The following IKZF5 variants were observed in gnomAD, a reference collection of about 807,000 sequenced individuals.
IKZF5 encodes the protein IKAROS family zinc finger 5.
Under a neutral mutation model 30.7 loss-of-function variants are expected in IKZF5, and 4 were observed. The ratio of observed to expected loss-of-function variants is 0.13; its 90% CI spans 0.06 to 0.30. IKZF5 has a LOEUF of 0.30. Ranked by LOEUF, IKZF5 falls within the 10% of genes least tolerant of loss-of-function variation. The pLI is 1.00. For missense variants in IKZF5, 348 were observed against 525.5 expected, an observed-to-expected ratio of 0.66 and a Z score of 3.30; for synonymous variants, 148 against 179.6, an observed-to-expected ratio of 0.82 and a Z score of 1.41.
chr10:122,996,467 A>G (rs1849375944), intron 3 of IKZF5, among the ~76,000 whole-genome samples: 2 of 151,546 alleles, frequency 1.3e-5, no homozygotes, highest in African/African-American at 4.9e-5. Context: ...AGGTGGGGGG[A>G]TAGCTTGAGG....
intron 3 of IKZF5, 48 bp from the exon 4 acceptor site, chr10:122,996,224 C>T (rs1166003171): frequency 2.7e-6 from 4 of 1,504,856 alleles, no homozygotes; most frequent in Non-Finnish European, 3.7e-6. Flanking sequence ...AGAATCAACT[C>T]AATTTAGCAT....
Position 122,993,701 on chromosome 10 carries a change from T to C in IKZF5, c.*79A>G, listed in dbSNP as rs1257991787. On this transcript the variant is annotated 3_prime_UTR_variant, in exon 5 of 5. Transcript: ENST00000368886. ...AAGCCTTGAATTAGCAGACACTTTATTAGGGATGACCAAAACAAAAAACAA... is the reference window on the plus strand; with the variant it reads ...AAGCCTTGAATTAGCAGACACTTTACTAGGGATGACCAAAACAAAAAACAA... 3.5e-6 allele frequency: 3 copies of C among 865,080 alleles called. No individual in the cohort carries two copies. The highest frequency in any genetic ancestry group is 1.7e-5 in the South Asian group (1 of 58,660). The allele number at this position is 865,080 out of a possible 1,614,324, so 53.6% of individuals were successfully genotyped here.
At position 122,990,908 on chromosome 10, in the gene IKZF5, A is replaced by G. The variant is rs780427121; in HGVS notation, c.*2872T>C. ...TTTCTGCATTAAACTGCTTTCCGGA[A>G]TCCCTAAACAATATAGTGTATTGTA... On this transcript the variant is annotated 3_prime_UTR_variant, in exon 5 of 5. Transcript: ENST00000368886. 6.6e-6 allele frequency: 1 copy of G among 150,462 alleles called. No homozygotes were observed. The highest frequency in any genetic ancestry group is 2.5e-5 in the African/African-American group (1 of 40,756). The allele number at this position is 150,462 out of a possible 1,614,324, so 9.3% of individuals were successfully genotyped here.
chr10:122,994,346 T>G lies in IKZF5; in HGVS notation c.694A>C (p.Lys232Gln), dbSNP rs1849282692. Residue 232 changes from lysine to glutamine, a missense_variant, in exon 5 of 5, where the codon AAA becomes CAA. By Grantham distance (53) the Lys-to-Gln change is moderately conservative (BLOSUM62 1). Coordinates refer to ENST00000368886, the MANE Select transcript of IKZF5 (RefSeq NM_001372123.1). This position sits in a 1 kb window ranked among gnomAD's most constrained non-coding sequence, Gnocchi z 5.6. ...GGAAGGCCACCAGTTGGTGTGGTTT[T>G]TGCCATACTTTCATAGGAGTCAGTC... Reference protein sequence around the residue: ...IQTDSYESMAKTTPTGGLPRD... With the variant: ...IQTDSYESMAQTTPTGGLPRD... 2 of 1,614,140 alleles carry G rather than the reference T, an allele frequency of 1.2e-6. No individual in the cohort carries two copies. The highest frequency in any genetic ancestry group is 8.5e-7 in the Non-Finnish European group (1 of 1,180,004).
rs2133394952 is a variant in IKZF5 at position 122,998,678 on chromosome 10, C to T, written c.-46-7G>A. On this transcript the variant is annotated splice_polypyrimidine_tract_variant and splice_region_variant and intron_variant, in intron 2 of 4. Coordinates refer to ENST00000368886, the MANE Select transcript of IKZF5 (RefSeq NM_001372123.1). ...TTAGACCTAGAAAACAAAACTGAAA[C>T]AATTTTACACTATTTAGGGAGATCT... 1 of 1,504,560 alleles carries T rather than the reference C, an allele frequency of 6.6e-7. No individual in the cohort carries two copies. The highest frequency in any genetic ancestry group is 1.8e-5 in the Admixed American group (1 of 57,076). 93.2% of individuals were successfully genotyped at this position (1,504,560 alleles called of 1,614,324 possible).
At chr10:122,996,374 A>G (rs1180907668) in intron 3 of IKZF5, among the ~76,000 whole-genome samples, 198 bp from the exon 4 acceptor site, 1 of 152,120 alleles carries the variant, frequency 6.6e-6, no homozygotes, top group Non-Finnish European at 1.5e-5. Flanking sequence ...TATTCTGAGA[A>G]CCTTTTATTG....
chr10:122,994,421 G>C lies in IKZF5; in HGVS notation c.619C>G (p.Gln207Glu). The change falls in exon 5 of 5, where the codon CAG becomes GAG. Residue 207 changes from glutamine (Q) to glutamate (E), a missense_variant. Physicochemically the swap from Gln to Glu is conservative, Grantham distance 29 (BLOSUM62 2). Around this residue, in one of 4 missense-constraint regions of IKZF5, gnomAD observed 176 missense variants for 198.2 expected, o/e 0.89. Coordinates refer to ENST00000368886, the MANE Select transcript of IKZF5 (RefSeq NM_001372123.1). The surrounding 1 kb of genome is among the most constrained non-coding windows in gnomAD (Gnocchi z 5.6). ...AAATCGTTAAGGTAGTCTGGTTTCT[G>C]AACCACCATGGAAGGTGGACTTAAG... is the stretch of plus-strand genomic sequence containing the variant. ...INLSPPSMVV[Q>E]KPDYLNDFTH... 2 of 1,614,094 alleles carry C rather than the reference G, an allele frequency of 1.2e-6. No homozygotes were observed. The highest frequency in any genetic ancestry group is 1.7e-6 in the Non-Finnish European group (2 of 1,180,010).
At chr10:122,999,969 A>T (rs1175830477) in intron 2 of IKZF5, among the ~76,000 whole-genome samples, 1 of 152,234 alleles carries the variant, frequency 6.6e-6, no homozygotes, top group Non-Finnish European at 1.5e-5. Context: ...TTCTAAACTC[A>T]AACTATTTAA....
At chr10:122,999,019 T>C (rs1174677397) in intron 2 of IKZF5, among the ~76,000 whole-genome samples, 1 of 152,106 alleles carries the variant, frequency 6.6e-6, no homozygotes, top group Non-Finnish European at 1.5e-5. Flanking sequence ...TAGGGAGAAC[T>C]TGTCCCTACA....
At chr10:123,002,900 C>T (rs1849643273) in intron 2 of IKZF5, among the ~76,000 whole-genome samples, 1 of 151,930 alleles carries the variant, frequency 6.6e-6, no homozygotes, top group Admixed American at 6.6e-5. Context: ...AGTTTATCCT[C>T]TGGACAAGTA....
intron 2 of IKZF5, among the ~76,000 whole-genome samples, chr10:123,001,869 T>A (rs1849599431): frequency 6.6e-6 from 1 of 152,224 alleles, no homozygotes; most frequent in African/African-American, 2.4e-5. Context: ...AAAAGCAGAT[T>A]TTCCAATTTA....
At chr10:123,008,147 A>T (rs941577003) in intron 1 of IKZF5, among the ~76,000 whole-genome samples, 1 of 152,190 alleles carries the variant, frequency 6.6e-6, no homozygotes, top group Admixed American at 6.5e-5. Context: ...TGTTCCTAAA[A>T]TAAGGGTGCC....
intron 2 of IKZF5, among the ~76,000 whole-genome samples, chr10:123,000,464 A>G (rs1423203586): frequency 1.3e-5 from 2 of 152,170 alleles, no homozygotes; most frequent in African/African-American, 4.8e-5. Context: ...TTTATCTCTT[A>G]TACTGTTTTT....
chr10:123,002,184 T>C lies in IKZF5; in HGVS notation c.-46-3513A>G, dbSNP rs149775646. Among the ~76,000 whole-genome samples, 60 of 152,324 alleles carry C rather than the reference T, an allele frequency of 3.9e-4. No homozygotes were observed. The East Asian group carries it at 0.011, about 28-fold the overall frequency. ...ATTCAATACTTGTGAATCGTTCCTT[T>C]CCTCCCTTTTTAGAAGCTACGGTAG... On this transcript the variant is annotated intron_variant, in intron 2 of 4. Coordinates refer to ENST00000368886, the MANE Select transcript of IKZF5 (RefSeq NM_001372123.1).
chr10:123,005,741 C>T (rs1444752740), intron 2 of IKZF5, among the ~76,000 whole-genome samples: 1 of 152,186 alleles, frequency 6.6e-6, no homozygotes, highest in African/African-American at 2.4e-5. Context: ...TTCCTCTCTG[C>T]TCTTTGCCAT....
At position 122,994,162 on chromosome 10, in the gene IKZF5, G is replaced by T; in HGVS notation, c.878C>A (p.Thr293Asn). 6.2e-7 allele frequency: 1 copy of T among 1,614,160 alleles called. No individual in the cohort carries two copies. Among genetic ancestry groups the T allele is most frequent in the African/African-American group, 1.3e-5 (1 of 75,036 alleles). The stretch of plus-strand genomic sequence containing the variant: ...TGATACGGCAGAAACTACTGCTTGG[G>T]TAGAGGGCTGCTGAATCATGAAAGG... ...EKPFMIQQPS[T>N]QAVVSAVSAS... Residue 293 changes from threonine to asparagine, a missense_variant, in exon 5 of 5, where the codon ACC (threonine) becomes AAC (asparagine). By Grantham distance (65) the Thr-to-Asn change is moderately conservative. Coordinates refer to ENST00000368886, the MANE Select transcript of IKZF5 (RefSeq NM_001372123.1). The surrounding 1 kb of genome is among the most constrained non-coding windows in gnomAD (Gnocchi z 5.6).
In IKZF5 at chr10:122,993,885, A is replaced by G; in HGVS notation, c.1155T>C (p.Cys385=). 1 of 1,614,090 alleles carries G rather than the reference A, an allele frequency of 6.2e-7. No homozygotes were observed. Among genetic ancestry groups the G allele is most frequent in the Non-Finnish European group, 8.5e-7 (1 of 1,179,948 alleles). Reference sequence around the variant, plus strand: ...ACTGAAAAGGATTTTCATACCCATGACATCCCATATGAATAGTGTAAAGGA... The same window carrying G: ...ACTGAAAAGGATTTTCATACCCATGGCATCCCATATGAATAGTGTAAAGGA... The part of the protein sequence containing the change: ...DNILYTIHMG[C]HGYENPFQCN... Residue 385 remains cysteine, a synonymous_variant, in exon 5 of 5, where the codon TGT becomes TGC. Coordinates refer to ENST00000368886, the MANE Select transcript of IKZF5 (RefSeq NM_001372123.1).
In IKZF5 at chr10:122,993,526, C is replaced by A; in HGVS notation, c.*254G>T. 1 of 291,258 alleles carries A rather than the reference C, an allele frequency of 3.4e-6. No homozygotes were observed. Among genetic ancestry groups the A allele is most frequent in the Non-Finnish European group, 6.3e-6 (1 of 157,688 alleles). 18.0% of individuals were successfully genotyped at this position (291,258 alleles called of 1,614,324 possible). ...AACATCTTGTAAGATTATGACTGCA[C>A]TCCAATTCTCCAATGTCGAAAGGAA... On this transcript the variant is annotated 3_prime_UTR_variant, in exon 5 of 5. Coordinates refer to ENST00000368886, the MANE Select transcript of IKZF5 (RefSeq NM_001372123.1).
At chr10:123,003,034 CTT>C (rs761759302) in intron 2 of IKZF5, among the ~76,000 whole-genome samples, 2 of 141,612 alleles carry the variant, frequency 1.4e-5, no homozygotes, top group Non-Finnish European at 3.1e-5. Context: ...TTTTTCTTTT[CTT>C]TTTTTTTTTT....
Sources: gnomAD v4.1 joint callset for allele counts (sites outside exome capture counted in the v4.1 genomes callset) on GRCh38, gnomAD v4.1.1 for gene constraint, gnomAD v4.1.1 regional missense constraint, Gnocchi (gnomAD v3.1) non-coding constraint, MANE v1.5 for transcripts, NCBI Gene and HGNC (gene_info 2026-07-23, HGNC 2026-07-21) for gene names.